The following SLC5A4 variants were observed in gnomAD, a reference collection of about 807,000 sequenced individuals.
SLC5A4 encodes the protein solute carrier family 5 member 4, also known as probable glucose sensor protein SLC5A4.
Under a neutral mutation model 70.3 loss-of-function variants are expected in SLC5A4, and 55 were observed. That is an observed-to-expected ratio of 0.78 (90% confidence interval 0.63 to 0.98). The LOEUF is 0.98. Among genes scored for constraint, SLC5A4 ranks in the 50% least tolerant of loss-of-function variants. SLC5A4 has a pLI of 0.00. For missense variants in SLC5A4, 735 were observed against 839.2 expected (o/e 0.88, Z 1.53); for synonymous variants, 268 against 305.7 (o/e 0.88, Z 1.29).
chr22:32,325,247 G>A, the SLC5A4 span, among the ~76,000 whole-genome samples: 1 of 152,260 alleles, frequency 6.6e-6, no homozygotes, highest in African/African-American at 2.4e-5. Flanking sequence ...TCAGGTGCGG[G>A]CCCTGCCCTC....
chr22:32,331,288 C>T, the SLC5A4 span, among the ~76,000 whole-genome samples: 115 of 151,954 alleles, frequency 7.6e-4, 2 homozygotes, highest in South Asian at 0.024. Context: ...CTCTCCCTGG[C>T]TGTTTGACTT....
At chr22:32,261,495 C>A in the SLC5A4 span, among the ~76,000 whole-genome samples, 1 of 152,224 alleles carries the variant, frequency 6.6e-6, no homozygotes, top group Non-Finnish European at 1.5e-5. Flanking sequence ...CTTTCAGGCT[C>A]ACACCCAGGG....
Position 32,224,452 on chromosome 22 carries a change from C to T in SLC5A4, c.1480G>A (p.Ala494Thr). 1 of 1,614,030 alleles carries T rather than the reference C, an allele frequency of 6.2e-7. No homozygotes were observed. The highest frequency in any genetic ancestry group is 8.5e-7 in the Non-Finnish European group (1 of 1,179,940). ...GTTATCATACGAATGAGGCCCATTG[C>T]AAGTCCAACCATTAGACCCCAGAAT... ...GAFWGLMVGL[A>T]MGLIRMITEF... is the part of the protein sequence containing the mutation. Residue 494 changes from alanine to threonine, a missense_variant, in exon 13 of 15, where the codon GCA (alanine) becomes ACA (threonine). Ala to Thr is a moderately conservative substitution (Grantham distance 58). Transcript: ENST00000266086.
At chr22:32,229,046 T>A in intron 11 of SLC5A4, 148 bp downstream of exon 11, 1 of 649,820 alleles carries the variant, frequency 1.5e-6, no homozygotes, top group East Asian at 2.7e-5. Context: ...TGGAAAGTGA[T>A]CACTTGAATT....
chr22:32,284,466 C>T, the SLC5A4 span, among the ~76,000 whole-genome samples: 1 of 152,154 alleles, frequency 6.6e-6, no homozygotes, highest in East Asian at 1.9e-4. Flanking sequence ...AACATTACCT[C>T]CCTCACATGG....
chr22:32,339,905 C>A, the SLC5A4 span, among the ~76,000 whole-genome samples: 1 of 152,152 alleles, frequency 6.6e-6, no homozygotes, highest in African/African-American at 2.4e-5. Context: ...TTCGGGGACC[C>A]CCGAGGTTCT....
chr22:32,268,649 C>T, the SLC5A4 span: 1 of 152,176 alleles, frequency 6.6e-6, no homozygotes, highest in Non-Finnish European at 1.5e-5. Context: ...AAAATGTTCT[C>T]CATTAAATAT....
chr22:32,244,329 C>A (rs1480558303), intron 5 of SLC5A4, among the ~76,000 whole-genome samples: 1 of 152,202 alleles, frequency 6.6e-6, no homozygotes, highest in Non-Finnish European at 1.5e-5. Context: ...GCTGTCTTCA[C>A]TCATACTGCT....
the SLC5A4 span, among the ~76,000 whole-genome samples, chr22:32,291,548 G>A: frequency 6.6e-6 from 1 of 152,106 alleles, no homozygotes; most frequent in Non-Finnish European, 1.5e-5. Flanking sequence ...GTATCAACTT[G>A]GGGAAAATTG....
the SLC5A4 span, among the ~76,000 whole-genome samples, chr22:32,283,976 A>T: frequency 6.6e-6 from 1 of 152,226 alleles, no homozygotes; most frequent in Non-Finnish European, 1.5e-5. Context: ...TTTTACAAAG[A>T]ATTGTCAAAT....
chr22:32,274,275 C>T, the SLC5A4 span, among the ~76,000 whole-genome samples: 225 of 152,170 alleles, frequency 1.5e-3, no homozygotes, highest in African/African-American at 5.3e-3. Context: ...CTCCTGACCT[C>T]GTGCTCCTCC....
the SLC5A4 span, among the ~76,000 whole-genome samples, chr22:32,338,005 TC>T: frequency 1.0e-5 from 1 of 96,196 alleles, no homozygotes; most frequent in Non-Finnish European, 2.1e-5. Context: ...CAGCTTGAAC[TC>T]TCTTGAGTCA....
At chr22:32,319,799 T>G in the SLC5A4 span, among the ~76,000 whole-genome samples, 1 of 152,182 alleles carries the variant, frequency 6.6e-6, no homozygotes, top group Non-Finnish European at 1.5e-5. Flanking sequence ...AGTCCATATA[T>G]TTCACATAAA....
At chr22:32,265,433 G>T in the SLC5A4 span, among the ~76,000 whole-genome samples, 27 of 152,046 alleles carry the variant, frequency 1.8e-4, no homozygotes. Flanking sequence ...TGTTTTAGAT[G>T]ACCTCCAGAG....
At chr22:32,344,877 C>T in the SLC5A4 span, among the ~76,000 whole-genome samples, 3 of 151,980 alleles carry the variant, frequency 2.0e-5, no homozygotes, top group African/African-American at 4.8e-5. Context: ...CTTCAGAATA[C>T]GGAAATTAAA....
the SLC5A4 span, among the ~76,000 whole-genome samples, chr22:32,293,253 A>C: frequency 6.6e-6 from 1 of 152,118 alleles, no homozygotes; most frequent in Non-Finnish European, 1.5e-5. Flanking sequence ...TTTGTGTTTT[A>C]AATGGTGCAT....
chr22:32,341,414 C>T, the SLC5A4 span, among the ~76,000 whole-genome samples: 45 of 152,312 alleles, frequency 3.0e-4, no homozygotes, highest in East Asian at 7.7e-3. Flanking sequence ...CTCCCTCCTC[C>T]GAGGCTCTGC....
the SLC5A4 span, among the ~76,000 whole-genome samples, chr22:32,329,461 T>G: frequency 6.6e-6 from 1 of 150,900 alleles, no homozygotes; most frequent in Non-Finnish European, 1.5e-5. Context: ...CAAAATATCT[T>G]GCTGGGCCAT....
At chr22:32,219,823 C>A (rs1043141282) in intron 14 of SLC5A4, among the ~76,000 whole-genome samples, 1 of 151,814 alleles carries the variant, frequency 6.6e-6, no homozygotes, top group African/African-American at 2.4e-5. Context: ...ACAAAATATA[C>A]TAGAGATTGA....
Sources: allele counts gnomAD v4.1 joint callset (sites outside exome capture counted in the v4.1 genomes callset), GRCh38; gene constraint gnomAD v4.1.1; transcripts MANE v1.5; gene names NCBI Gene and HGNC (gene_info 2026-07-23, HGNC 2026-07-21).